COL4A4: variants seen among roughly 807,000 people sequenced by gnomAD.
COL4A4 encodes the protein collagen type IV alpha 4 chain, also known as collagen alpha-4(IV) chain.
In COL4A4, 105 loss-of-function variants were observed where a neutral mutation model predicts 192.9. The ratio of observed to expected loss-of-function variants is 0.54; its 90% CI spans 0.46 to 0.64. The LOEUF (loss-of-function observed/expected upper bound fraction) is 0.64, where lower values mean the gene tolerates loss of function less well. COL4A4 is among the 30% of genes least tolerant of loss of function. The probability of loss-of-function intolerance (pLI) is 0.00; values close to 1 mark genes in which losing one functional copy is unlikely to be tolerated. For synonymous variants in COL4A4, 762 were observed against 769.9 expected (o/e 0.99, Z 0.17); for missense variants, 1,967 against 2,169.3 (o/e 0.91, Z 1.85).
At chr2:226,981,936 G>A in the COL4A4 span, among the ~76,000 whole-genome samples, 125 of 152,274 alleles carry the variant, frequency 8.2e-4, 1 homozygote, top group East Asian at 0.02. Flanking sequence ...AGGTTGCATC[G>A]CCCTCATGGT....
chr2:227,057,455 C>A lies in COL4A4; in HGVS notation c.2529G>T (p.Gly843=), dbSNP rs886038229. The A allele has an allele frequency of 6.2e-7, 1 of 1,607,868 alleles. No homozygotes were observed. The highest frequency in any genetic ancestry group is 1.7e-5 in the Admixed American group (1 of 59,208). ...PGIPGQPGLP[G]YPGSPGAPGG... Reference sequence around the variant, plus strand: ...GACACTTACCTGGGCTACCTGGATACCCAGGGAGTCCCGGTTGCCCTGGTA... The same window carrying A: ...GACACTTACCTGGGCTACCTGGATAACCAGGGAGTCCCGGTTGCCCTGGTA... Residue 843 remains glycine (G), a synonymous_variant, in exon 29 of 48, where the codon GGG becomes GGT. Coordinates refer to ENST00000396625, the MANE Select transcript of COL4A4 (RefSeq NM_000092.5).
chr2:227,038,004 C>T (rs952807765), intron 37 of COL4A4, among the ~76,000 whole-genome samples: 4 of 152,036 alleles, frequency 2.6e-5, no homozygotes, highest in African/African-American at 9.7e-5. Context: ...AAATTTTCTC[C>T]CATTCTGTAG....
intron 31 of COL4A4, among the ~76,000 whole-genome samples, chr2:227,053,284 A>G (rs1397162818): frequency 2.0e-5 from 3 of 152,198 alleles, no homozygotes; most frequent in Non-Finnish European, 4.4e-5. Flanking sequence ...ATTGTGGTAG[A>G]ATCAATCAAC....
At chr2:227,073,222 A>G (rs2058823310) in intron 25 of COL4A4, among the ~76,000 whole-genome samples, 2 of 152,148 alleles carry the variant, frequency 1.3e-5, no homozygotes, top group Non-Finnish European at 2.9e-5. Flanking sequence ...ATCATTGTAC[A>G]TAAATCAGTA....
chr2:227,061,022 G>A (rs904122640), intron 26 of COL4A4, among the ~76,000 whole-genome samples: 4 of 152,068 alleles, frequency 2.6e-5, no homozygotes, highest in African/African-American at 4.8e-5. Context: ...CACCGCACCC[G>A]GCCTAGAGAA....
At chr2:227,149,018 T>G (rs1405790678) in intron 1 of COL4A4, among the ~76,000 whole-genome samples, 2 of 151,926 alleles carry the variant, frequency 1.3e-5, no homozygotes, top group African/African-American at 2.4e-5. Flanking sequence ...ATTTATTTAT[T>G]TTTTATTTTT....
At chr2:227,104,644 T>TA (rs2060719172) in intron 12 of COL4A4, among the ~76,000 whole-genome samples, 2 of 148,910 alleles carry the variant, frequency 1.3e-5, no homozygotes, top group South Asian at 4.3e-4. Context: ...AAAACTTTTT[T>TA]TTTTTTTTTT....
chr2:226,974,857 G>A, the COL4A4 span, among the ~76,000 whole-genome samples: 9 of 152,202 alleles, frequency 5.9e-5, no homozygotes, highest in Admixed American at 1.3e-4. Flanking sequence ...CAGGTACCTC[G>A]CCAGTGCGTG....
chr2:226,970,532 C>A, the COL4A4 span, among the ~76,000 whole-genome samples: 3 of 152,162 alleles, frequency 2.0e-5, no homozygotes, highest in Non-Finnish European at 4.4e-5. Context: ...GGCACGGAAG[C>A]AGCCTTATTT....
At chr2:227,061,993 A>C (rs1012844787) in intron 26 of COL4A4, among the ~76,000 whole-genome samples, 4 of 152,200 alleles carry the variant, frequency 2.6e-5, no homozygotes, top group African/African-American at 9.7e-5. Context: ...TAATCCCAGC[A>C]CTTTGGGAGG....
chr2:227,080,608 G>C (rs1298674090), intron 23 of COL4A4, 59 bp from the exon 24 acceptor site: 2 of 1,439,874 alleles, frequency 1.4e-6, no homozygotes, highest in Non-Finnish European at 1.9e-6. Flanking sequence ...AAGTAGGATA[G>C]AGAGGACAAA....
chr2:227,121,277 A>C, intron 4 of COL4A4, 129 bp from the exon 5 acceptor site: 18 of 1,066,012 alleles, frequency 1.7e-5, no homozygotes, highest in Non-Finnish European at 2.3e-5. Context: ...AATAGAAACA[A>C]ATGGCTGGAG....
At chr2:227,022,639 G>A in intron 43 of COL4A4, 1 of 485,952 alleles carries the variant, frequency 2.1e-6, no homozygotes, top group Non-Finnish European at 4.2e-6. Context: ...CATAGTGTCA[G>A]TCACTAACAT....
chr2:227,059,524 T>C lies in COL4A4; in HGVS notation c.2264A>G (p.Gln755Arg), dbSNP rs776710976. 10 of 1,614,038 alleles carry C rather than the reference T, an allele frequency of 6.2e-6. No individual in the cohort carries two copies. The highest frequency in any genetic ancestry group is 8.5e-7 in the Non-Finnish European group (1 of 1,180,020). The change falls in exon 28 of 48, where the codon CAG becomes CGG. Residue 755 changes from glutamine to arginine, a missense_variant. Transcript: ENST00000396625. ...TGCAGGGTCTCCCGGGATTCCTTTC[T>C]GACCATTCACTCCTGGTGAGCCGGG... ...GPPGSPGVNG[Q>R]KGIPGDPAFG...
At chr2:227,124,857 TAA>T (rs1365398924) in intron 4 of COL4A4, among the ~76,000 whole-genome samples, 1 of 152,248 alleles carries the variant, frequency 6.6e-6, no homozygotes, top group Non-Finnish European at 1.5e-5. Flanking sequence ...ACTTTTTCAT[TAA>T]GTTTGGGAAT....
At chr2:226,973,591 C>T in the COL4A4 span, among the ~76,000 whole-genome samples, 1 of 152,236 alleles carries the variant, frequency 6.6e-6, no homozygotes, top group Admixed American at 6.5e-5. Flanking sequence ...GCCTAGTCCC[C>T]TTAGCAAGGA....
the COL4A4 span, among the ~76,000 whole-genome samples, chr2:226,971,516 C>T: frequency 6.6e-6 from 1 of 152,302 alleles, no homozygotes; most frequent in Admixed American, 6.5e-5. Context: ...AAAGAATAGA[C>T]TACCAGCTTA....
At chr2:227,056,701 T>C (rs1324483270) in intron 29 of COL4A4, among the ~76,000 whole-genome samples, 1 of 152,250 alleles carries the variant, frequency 6.6e-6, no homozygotes, top group Non-Finnish European at 1.5e-5. Flanking sequence ...TGTTGAAAGT[T>C]AATCACCAAT....
At chr2:227,043,602 T>C (rs1474542250) in intron 35 of COL4A4, among the ~76,000 whole-genome samples, 1 of 152,254 alleles carries the variant, frequency 6.6e-6, no homozygotes, top group Non-Finnish European at 1.5e-5. Context: ...TTATCCATAA[T>C]GCTCTTTATA....
Sources: gnomAD v4.1 joint callset for allele counts (sites outside exome capture counted in the v4.1 genomes callset) on GRCh38, gnomAD v4.1.1 for gene constraint, MANE v1.5 for transcripts, NCBI Gene and HGNC (gene_info 2026-07-23, HGNC 2026-07-21) for gene names.